Variants in DNAJC10 observed in about 807,000 individuals in gnomAD.
The protein encoded by DNAJC10 is endoplasmic reticulum disulfide reductase DNAJC10.
A neutral mutation model predicts 115.0 loss-of-function variants in DNAJC10; 101 were observed. The ratio of observed to expected loss-of-function variants is 0.88; its 90% CI spans 0.75 to 1.04. The LOEUF (loss-of-function observed/expected upper bound fraction) is 1.04. Among genes scored for constraint, DNAJC10 ranks in the 50% least tolerant of loss-of-function variants. The pLI is 0.00. For missense variants in DNAJC10, 981 were observed against 928.8 expected (o/e 1.06, Z -0.73); for synonymous variants, 307 against 301.5 (o/e 1.02, Z -0.19).
At chr2:182,716,950 CTTTTTCTGATGGTT>C (rs1693009819) in intron 1 of DNAJC10, 52 bp from the exon 2 acceptor site, 1 of 152,188 alleles carries the variant, frequency 6.6e-6, no homozygotes, top group South Asian at 2.1e-4. Flanking sequence ...TATGCCCTCT[CTTTTTCTGATGGTT>C]GTTTTCTTGT....
chr2:182,740,193 A>G (rs1693695950), intron 11 of DNAJC10, 106 bp from the exon 12 acceptor site: 9 of 1,188,436 alleles, frequency 7.6e-6, no homozygotes, highest in African/African-American at 1.6e-5. Flanking sequence ...TTTACCTTCT[A>G]TAATCATTTT....
intron 23 of DNAJC10, among the ~76,000 whole-genome samples, chr2:182,776,699 G>A (rs1694715811): frequency 6.6e-6 from 1 of 152,174 alleles, no homozygotes. Context: ...AGAGTTATGA[G>A]TCTGTATTTT....
At chr2:182,742,321 C>G (rs996020669) in intron 13 of DNAJC10, among the ~76,000 whole-genome samples, 1 of 152,100 alleles carries the variant, frequency 6.6e-6, no homozygotes, top group African/African-American at 2.4e-5. Context: ...TCCAGAGTAG[C>G]TGGGACTACA....
In DNAJC10 at chr2:182,783,767, A is replaced by T. The variant is rs541251328; in HGVS notation, c.*6635A>T. 3.9e-5 allele frequency: 6 copies of T among 152,110 alleles called. No homozygotes were observed. The highest frequency in any genetic ancestry group is 1.4e-4 in the African/African-American group (6 of 41,418). The allele number at this position is 152,110 out of a possible 1,614,324, so 9.4% of individuals were successfully genotyped here. On this transcript the variant is annotated 3_prime_UTR_variant, in exon 24 of 24. Transcript: ENST00000264065. ...GAACAGCAGTATCTCATGTTTTACT[A>T]TAAAAACTTGGGTATATTACTTGAA...
At chr2:182,761,210 G>A (rs1240310571) in intron 21 of DNAJC10, among the ~76,000 whole-genome samples, 1 of 152,162 alleles carries the variant, frequency 6.6e-6, no homozygotes, top group Non-Finnish European at 1.5e-5. Flanking sequence ...AAATTAGAAT[G>A]AAGCTGGAAC....
chr2:182,728,905 G>C lies in DNAJC10; in HGVS notation c.544G>C (p.Gly182Arg). 1 of 1,613,994 alleles carries C rather than the reference G, an allele frequency of 6.2e-7. No individual in the cohort carries two copies. The highest frequency in any genetic ancestry group is 8.5e-7 in the Non-Finnish European group (1 of 1,179,938). Residue 182 changes from glycine to arginine, a missense_variant, in exon 7 of 24, where the codon GGA becomes CGA. By Grantham distance (125) the Gly-to-Arg change is moderately radical (BLOSUM62 -2). Coordinates refer to ENST00000264065, the MANE Select transcript of DNAJC10 (RefSeq NM_018981.4). ...AKEVDGLLRIGAVNCGDDRML... is the reference protein window; with the variant it reads ...AKEVDGLLRIRAVNCGDDRML... ...AGAAGTGGATGGGTTACTTCGAATT[G>C]GAGCTGTTAACTGTGGTGATGATAG...
At chr2:182,747,941 G>A (rs1189409199) in intron 14 of DNAJC10, among the ~76,000 whole-genome samples, 12 of 145,032 alleles carry the variant, frequency 8.3e-5, no homozygotes, top group Admixed American at 1.4e-4. Context: ...TAGCATGAAG[G>A]GTTGTTGAAT....
At chr2:182,719,940 A>T (rs1042775372) in intron 3 of DNAJC10, 67 bp from the exon 4 acceptor site, 11 of 940,260 alleles carry the variant, frequency 1.2e-5, no homozygotes, top group Non-Finnish European at 1.6e-5. Flanking sequence ...AAACCTACAT[A>T]TATGTTTTGA....
chr2:182,742,857 T>G (rs1047086185), intron 13 of DNAJC10, among the ~76,000 whole-genome samples: 1 of 152,028 alleles, frequency 6.6e-6, no homozygotes, highest in Non-Finnish European at 1.5e-5. Context: ...TTTTTCTTTT[T>G]TTTTAATGCA....
chr2:182,741,192 AC>A, intron 12 of DNAJC10, 50 bp from the exon 13 acceptor site: 1 of 1,228,860 alleles, frequency 8.1e-7, no homozygotes, highest in South Asian at 1.3e-5. Flanking sequence ...GAAGATTAGA[AC>A]CCTTAGAATT....
In DNAJC10 at chr2:182,759,254, C is replaced by G. The variant is rs752369431; in HGVS notation, c.2092C>G (p.Pro698Ala). The G allele has an allele frequency of 2.5e-6, 4 of 1,612,048 alleles. No homozygotes were observed. Among genetic ancestry groups the G allele is most frequent in the Non-Finnish European group, 3.4e-6 (4 of 1,179,556 alleles). Reference sequence around the variant, plus strand: ...TCATTGGGTGATTGATTTCTATGCTCCTTGGTGTGGACCTTGCCAGAATTT... The same window carrying G: ...TCATTGGGTGATTGATTTCTATGCTGCTTGGTGTGGACCTTGCCAGAATTT... ...KNHWVIDFYAPWCGPCQNFAP... is the reference protein window; with the variant it reads ...KNHWVIDFYAAWCGPCQNFAP... The change falls in exon 21 of 24, where the codon CCT becomes GCT. Residue 698 changes from proline (P) to alanine (A), a missense_variant. Coordinates refer to ENST00000264065, the MANE Select transcript of DNAJC10 (RefSeq NM_018981.4).
rs1346492856 is a variant in DNAJC10 at position 182,778,006 on chromosome 2, A to C, written c.*874A>C. 6.6e-6 allele frequency: 1 copy of C among 152,150 alleles called. No individual in the cohort carries two copies. Among genetic ancestry groups the C allele is most frequent in the Non-Finnish European group, 1.5e-5 (1 of 68,030 alleles). The allele number at this position is 152,150 out of a possible 1,614,324, so 9.4% of individuals were successfully genotyped here. ...GTATTTAGAGTTCTATATTTTAAAGATATATGTGTTCATGTATTTTCTGAA... is the reference window on the plus strand; with the variant it reads ...GTATTTAGAGTTCTATATTTTAAAGCTATATGTGTTCATGTATTTTCTGAA... On this transcript the variant is annotated 3_prime_UTR_variant, in exon 24 of 24. Transcript: ENST00000264065.
At position 182,781,219 on chromosome 2, in the gene DNAJC10, T is replaced by A. The variant is rs1226563324; in HGVS notation, c.*4087T>A. 6.6e-6 allele frequency: 1 copy of A among 152,132 alleles called. No individual in the cohort carries two copies. The highest frequency in any genetic ancestry group is 1.5e-5 in the Non-Finnish European group (1 of 68,016). The allele number at this position is 152,132 out of a possible 1,614,324, so 9.4% of individuals were successfully genotyped here. A position where few individuals can be genotyped will look rare whatever the true frequency, so the allele number is the denominator to read the frequency against. On this transcript the variant is annotated 3_prime_UTR_variant, in exon 24 of 24. Coordinates refer to ENST00000264065, the MANE Select transcript of DNAJC10 (RefSeq NM_018981.4). ...ACTTACGAGTGACAACATGTGGTGT[T>A]TGGTTTTCTGTTCCTGTTAGTTTGC...
chr2:182,723,574 G>A (rs903441769), intron 5 of DNAJC10, among the ~76,000 whole-genome samples: 5 of 152,076 alleles, frequency 3.3e-5, no homozygotes, highest in Admixed American at 6.5e-5. Flanking sequence ...CATAACTCTC[G>A]TGTGAGTTAT....
intron 22 of DNAJC10, among the ~76,000 whole-genome samples, chr2:182,772,642 G>GTTTTT (rs1266262133): frequency 3.8e-4 from 54 of 141,236 alleles, no homozygotes; most frequent in Admixed American, 4.9e-4. Context: ...GCAACCCATG[G>GTTTTT]TGTTTTGTTT....
In DNAJC10 at chr2:182,792,809, A is replaced by T. The variant is rs1695075881; in HGVS notation, c.*15677A>T. 6.6e-6 allele frequency: 1 copy of T among 152,214 alleles called. No homozygotes were observed. Among genetic ancestry groups the T allele is most frequent in the African/African-American group, 2.4e-5 (1 of 41,470 alleles). The allele number at this position is 152,214 out of a possible 1,614,324, so 9.4% of individuals were successfully genotyped here. A position where few individuals can be genotyped will look rare whatever the true frequency, so the allele number is the denominator to read the frequency against. ...ATGTCACTCAGCAAACATTTATTTG[A>T]GTACTTACAATGTGCTAGGCTTTGT... is the stretch of plus-strand genomic sequence containing the variant. On this transcript the variant is annotated 3_prime_UTR_variant, in exon 24 of 24. Coordinates refer to ENST00000264065, the MANE Select transcript of DNAJC10 (RefSeq NM_018981.4).
Position 182,732,509 on chromosome 2 carries a change from T to C in DNAJC10, c.816T>C (p.Thr272=). ...TTTTTTTGTCCCCAGATTGTTTGAC[T>C]TCACAGACACGACTCAGGCTTAGTG... The part of the protein sequence containing the change: ...TFCSKGGDCL[T]SQTRLRLSGM... The change falls in exon 10 of 24, where the codon ACT becomes ACC. Residue 272 remains threonine (T), a synonymous_variant. Transcript: ENST00000264065. 6 of 1,613,554 alleles carry C rather than the reference T, an allele frequency of 3.7e-6. No homozygotes were observed. Among genetic ancestry groups the C allele is most frequent in the Non-Finnish European group, 5.1e-6 (6 of 1,179,584 alleles).
chr2:182,740,240 G>T (rs1693697781), intron 11 of DNAJC10, 59 bp from the exon 12 acceptor site: 4 of 1,215,374 alleles, frequency 3.3e-6, no homozygotes, highest in African/African-American at 3.2e-5. Flanking sequence ...AAAAACAAAA[G>T]ATATCAAATA....
intron 22 of DNAJC10, among the ~76,000 whole-genome samples, chr2:182,769,957 T>A (rs973559088): frequency 2.0e-5 from 3 of 152,186 alleles, no homozygotes; most frequent in African/African-American, 7.2e-5. Flanking sequence ...TTTTAGATCT[T>A]ACGTTTAGGT....
Sources: gnomAD v4.1 joint callset for allele counts (sites outside exome capture counted in the v4.1 genomes callset) on GRCh38, gnomAD v4.1.1 for gene constraint, MANE v1.5 for transcripts, NCBI Gene and HGNC (gene_info 2026-07-23, HGNC 2026-07-21) for gene names.